LRRC4C: variants seen among roughly 807,000 people sequenced by gnomAD.
LRRC4C encodes leucine rich repeat containing 4C.
Under a neutral mutation model 33.6 loss-of-function variants are expected in LRRC4C, and 5 were observed. That is an observed-to-expected ratio of 0.15 (90% CI 0.08 to 0.31). LRRC4C has a LOEUF of 0.31. LRRC4C is among the 10% of genes least tolerant of loss of function. The probability of loss-of-function intolerance (pLI) is 1.00; values close to 1 mark genes in which losing one functional copy is unlikely to be tolerated. For synonymous variants in LRRC4C, 329 were observed against 302.0 expected (o/e 1.09, Z -0.93); for missense variants, 560 against 796.7 (o/e 0.70, Z 3.58).
At chr11:40,258,039 C>G (rs971814601) in intron 4 of LRRC4C, among the ~76,000 whole-genome samples, 1 of 152,164 alleles carries the variant, frequency 6.6e-6, no homozygotes, top group African/African-American at 2.4e-5. Flanking sequence ...ACAAGGTGGG[C>G]TGCTCTGTGT....
At chr11:40,529,924 C>T (rs1956206680) in intron 3 of LRRC4C, among the ~76,000 whole-genome samples, 1 of 152,092 alleles carries the variant, frequency 6.6e-6, no homozygotes, top group Non-Finnish European at 1.5e-5. Context: ...ACCTATGTAA[C>T]AAACCTGCGT....
chr11:40,751,007 G>A (rs1285443104), intron 2 of LRRC4C, among the ~76,000 whole-genome samples: 2 of 151,714 alleles, frequency 1.3e-5, no homozygotes, highest in South Asian at 4.2e-4. Flanking sequence ...ATAGAATGAA[G>A]GACAAAAACC....
At chr11:41,095,584 T>C (rs988539312) in intron 1 of LRRC4C, among the ~76,000 whole-genome samples, 3 of 152,226 alleles carry the variant, frequency 2.0e-5, no homozygotes, top group African/African-American at 4.8e-5. Flanking sequence ...TGCCTTTTTC[T>C]GAGTGTTCTT....
At chr11:40,950,987 A>G (rs1173385325) in intron 1 of LRRC4C, among the ~76,000 whole-genome samples, 4 of 151,886 alleles carry the variant, frequency 2.6e-5, no homozygotes, top group Non-Finnish European at 4.4e-5. Context: ...TGATGAATAC[A>G]TACATGAATC....
chr11:41,233,614 T>A (rs1388475030), intron 1 of LRRC4C, among the ~76,000 whole-genome samples: 3 of 152,058 alleles, frequency 2.0e-5, no homozygotes, highest in Admixed American at 6.6e-5. Flanking sequence ...GAAATATGAC[T>A]CTTTCTTTAG....
intron 1 of LRRC4C, among the ~76,000 whole-genome samples, chr11:41,427,181 C>T (rs1196471343): frequency 6.6e-6 from 1 of 152,004 alleles, no homozygotes; most frequent in Non-Finnish European, 1.5e-5. Flanking sequence ...AATTGGGAGT[C>T]TTATTTTTAG....
At chr11:41,182,353 G>C (rs1945489994) in intron 1 of LRRC4C, among the ~76,000 whole-genome samples, 1 of 152,126 alleles carries the variant, frequency 6.6e-6, no homozygotes, top group Non-Finnish European at 1.5e-5. Flanking sequence ...GACACAGAAA[G>C]TTGAATATCT....
chr11:40,236,431 G>T (rs781699800), intron 5 of LRRC4C, among the ~76,000 whole-genome samples: 14 of 152,100 alleles, frequency 9.2e-5, no homozygotes, highest in Non-Finnish European at 1.6e-4. Flanking sequence ...GTTCTTCCAA[G>T]AGCTTATGAT....
intron 3 of LRRC4C, among the ~76,000 whole-genome samples, chr11:40,320,294 A>G (rs1370941251): frequency 3.3e-5 from 5 of 152,138 alleles, no homozygotes; most frequent in South Asian, 2.1e-4. Flanking sequence ...TCACGAAGTC[A>G]GGAGATCGAG....
At chr11:40,581,086 C>T (rs538771154) in intron 3 of LRRC4C, among the ~76,000 whole-genome samples, 2 of 152,344 alleles carry the variant, frequency 1.3e-5, no homozygotes, top group Admixed American at 1.3e-4. Flanking sequence ...ATTCCTTTGA[C>T]TGCTTTTCCC....
rs577229662 is a variant in LRRC4C, at chr11:40,452,822, A to G, written c.-269-133101T>C. ...ATAGACTGGATTAAGAAAATGTGGC[A>G]CATATACACCATGGAATACTATGCA... On this transcript the variant is annotated intron_variant, in intron 3 of 6. Transcript: ENST00000528697. Among the ~76,000 whole-genome samples, 5 of 152,328 alleles carry G rather than the reference A, an allele frequency of 3.3e-5. No homozygotes were observed. The East Asian group carries it at 9.6e-4, about 29-fold the overall frequency.
chr11:41,139,046 A>T (rs529328887), intron 1 of LRRC4C, among the ~76,000 whole-genome samples: 1 of 152,250 alleles, frequency 6.6e-6, no homozygotes, highest in Middle Eastern at 3.4e-3. Flanking sequence ...TTTGTTTTAC[A>T]AAAAAGTATG....
intron 1 of LRRC4C, among the ~76,000 whole-genome samples, chr11:41,058,467 T>A (rs1199848872): frequency 6.6e-6 from 1 of 152,184 alleles, no homozygotes; most frequent in African/African-American, 2.4e-5. Flanking sequence ...CCCAAGCAGG[T>A]AGTGTGAGCC....
intron 5 of LRRC4C, among the ~76,000 whole-genome samples, chr11:40,233,585 T>A (rs1865355632): frequency 6.6e-6 from 1 of 152,076 alleles, no homozygotes; most frequent in African/African-American, 2.4e-5. Context: ...AAAATAAAAG[T>A]CTTAGTAATC....
At chr11:41,242,352 CTT>C (rs1400222075) in intron 1 of LRRC4C, among the ~76,000 whole-genome samples, 2 of 152,116 alleles carry the variant, frequency 1.3e-5, no homozygotes, top group Non-Finnish European at 2.9e-5. Context: ...TTATTTCCCT[CTT>C]TGCTTTGAAA....
chr11:40,571,485 C>G (rs1345492373), intron 3 of LRRC4C, among the ~76,000 whole-genome samples: 1 of 152,068 alleles, frequency 6.6e-6, no homozygotes, highest in Non-Finnish European at 1.5e-5. Flanking sequence ...CAGTATATAG[C>G]TGGACAAGAT....
At chr11:41,147,990 G>T (rs1278594368) in intron 1 of LRRC4C, among the ~76,000 whole-genome samples, 1 of 152,048 alleles carries the variant, frequency 6.6e-6, no homozygotes, top group Non-Finnish European at 1.5e-5. Flanking sequence ...TACTTGGGAG[G>T]CTGAGGCAGG....
intron 2 of LRRC4C, among the ~76,000 whole-genome samples, chr11:40,667,475 TG>T (rs1398066174): frequency 6.6e-6 from 1 of 152,202 alleles, no homozygotes; most frequent in Non-Finnish European, 1.5e-5. Flanking sequence ...GGAGAGAATC[TG>T]CAACTTGTTT....
chr11:40,832,358 A>G (rs1048263702), intron 2 of LRRC4C, among the ~76,000 whole-genome samples: 2 of 152,318 alleles, frequency 1.3e-5, no homozygotes, highest in African/African-American at 4.8e-5. Flanking sequence ...ATCATCTAGA[A>G]TTGTTGTAGA....
Sources: allele counts gnomAD v4.1 joint callset (sites outside exome capture counted in the v4.1 genomes callset), GRCh38; gene constraint gnomAD v4.1.1; transcripts MANE v1.5; gene names NCBI Gene and HGNC (gene_info 2026-07-23, HGNC 2026-07-21).